AP1S3: variants seen among roughly 807,000 people sequenced by gnomAD.
The protein encoded by AP1S3 is AP-1 complex subunit sigma-3.
Under a neutral mutation model 20.9 loss-of-function variants are expected in AP1S3, and 10 were observed. That is an observed-to-expected ratio of 0.48 (90% CI 0.29 to 0.81). AP1S3 has a LOEUF of 0.81. AP1S3 is among the 30% of genes least tolerant of loss of function. The pLI, the probability that AP1S3 is intolerant of heterozygous loss-of-function variation, is 0.08. For missense variants in AP1S3, 154 were observed against 183.8 expected (o/e 0.84, Z 0.94); for synonymous variants, 41 against 61.5 (o/e 0.67, Z 1.56).
At chr2:223,764,158 A>T (rs1690424522) in intron 4 of AP1S3, among the ~76,000 whole-genome samples, 1 of 152,154 alleles carries the variant, frequency 6.6e-6, no homozygotes, top group Non-Finnish European at 1.5e-5. Flanking sequence ...GCCTCAAGTG[A>T]TCTGCCTGCC....
chr2:223,821,649 G>A (rs111367545), intron 1 of AP1S3, among the ~76,000 whole-genome samples: 31 of 152,222 alleles, frequency 2.0e-4, no homozygotes, highest in Non-Finnish European at 3.1e-4. Flanking sequence ...ATGCAGCCAC[G>A]TGCCCCCTAT....
chr2:223,766,302 A>C (rs1446116845), intron 3 of AP1S3, among the ~76,000 whole-genome samples: 1 of 151,922 alleles, frequency 6.6e-6, no homozygotes, highest in Non-Finnish European at 1.5e-5. Context: ...ACATTTGTTT[A>C]AGTTCTTTGT....
At chr2:223,830,629 T>C (rs1306412654) in intron 1 of AP1S3, among the ~76,000 whole-genome samples, 1 of 152,166 alleles carries the variant, frequency 6.6e-6, no homozygotes, top group East Asian at 1.9e-4. Context: ...ATCTTTGATA[T>C]ACCCAGTGTG....
intron 1 of AP1S3, among the ~76,000 whole-genome samples, chr2:223,791,634 G>A (rs1691219192): frequency 6.6e-6 from 1 of 152,166 alleles, no homozygotes; most frequent in African/African-American, 2.4e-5. Flanking sequence ...AGATAAGGAT[G>A]CCCTCTTTCA....
Position 223,771,039 on chromosome 2 carries a change from G to A in AP1S3, c.291+4862C>T, listed in dbSNP as rs191309513. On this transcript the variant is annotated intron_variant, in intron 3 of 4. Coordinates refer to ENST00000396654, the MANE Select transcript of AP1S3 (RefSeq NM_001039569.2). ...CATGAGCCACCGTTCCCAGTCCCAA[G>A]TCAGGTTTCTGAAGCTACTGCCTAA... Among the ~76,000 whole-genome samples the A allele has an allele frequency of 4.1e-3, 624 of 151,500 alleles. 6 individuals are homozygous for A. The highest frequency in any genetic ancestry group is 6.9e-3 in the Non-Finnish European group (470 of 67,884).
chr2:223,776,290 G>C, intron 2 of AP1S3: 1 of 450,800 alleles, frequency 2.2e-6, no homozygotes, highest in Non-Finnish European at 4.3e-6. Context: ...TTTCGCTCTT[G>C]GTAATCAGGG....
At position 223,761,320 on chromosome 2, in the gene AP1S3, TG is replaced by T. The variant is rs1245848194; in HGVS notation, c.430-2571del. Reference sequence around the variant, plus strand: ...TTGTGGTTTGGCCTAGCTGTTAACATGGTTTACGCTTTTAAGGGTGACAGTG... The same window carrying T: ...TTGTGGTTTGGCCTAGCTGTTAACATGTTTACGCTTTTAAGGGTGACAGTG... On this transcript the variant is annotated intron_variant, in intron 4 of 4. Coordinates refer to ENST00000396654, the MANE Select transcript of AP1S3 (RefSeq NM_001039569.2). Among the ~76,000 whole-genome samples, 6 of 152,166 alleles carry T rather than the reference TG, an allele frequency of 3.9e-5. No homozygotes were observed. The East Asian group carries it at 1.2e-3, about 29-fold the overall frequency.
At chr2:223,765,374 T>C (rs1226853932) in intron 3 of AP1S3, 24 bp from the exon 4 acceptor site, 2 of 1,589,648 alleles carry the variant, frequency 1.3e-6, no homozygotes, top group Non-Finnish European at 1.7e-6. Flanking sequence ...AACAAACGTT[T>C]TGATAAACTT....
At chr2:223,833,221 A>G (rs1213043144) in intron 1 of AP1S3, among the ~76,000 whole-genome samples, 1 of 149,546 alleles carries the variant, frequency 6.7e-6, no homozygotes, top group African/African-American at 2.5e-5. Flanking sequence ...ACATCCCCAC[A>G]GCTATCTTGT....
intron 1 of AP1S3, among the ~76,000 whole-genome samples, chr2:223,830,470 C>T (rs941658265): frequency 8.2e-6 from 1 of 122,276 alleles, no homozygotes; most frequent in Non-Finnish European, 1.7e-5. Context: ...CAGAGTGAGA[C>T]TCTCTCTCAA....
intron 1 of AP1S3, among the ~76,000 whole-genome samples, chr2:223,778,937 G>A (rs181486637): frequency 3.3e-5 from 5 of 152,174 alleles, no homozygotes; most frequent in Admixed American, 6.5e-5. Flanking sequence ...AGTCTCAGAC[G>A]ATCCGCCCAC....
Position 223,800,209 on chromosome 2 carries a change from C to T in AP1S3, c.4-22340G>A, listed in dbSNP as rs573883583. ...CAGCCTGGGCAACAAAGCGAGATTG[C>T]GTCTAAAAAAAAAAAAAAAAGAAAA... On this transcript the variant is annotated intron_variant, in intron 1 of 4. Coordinates refer to ENST00000396654, the MANE Select transcript of AP1S3 (RefSeq NM_001039569.2). 5.3e-3 allele frequency among the ~76,000 whole-genome samples: 684 copies of T among 128,826 alleles called. 4 individuals are homozygous for T. The highest frequency in any genetic ancestry group is 0.015 in the South Asian group (59 of 4,068). The allele number at this position is 128,826 out of a possible 152,430, so 84.5% of individuals were successfully genotyped here. A position where few individuals can be genotyped will look rare whatever the true frequency, so the allele number is the denominator to read the frequency against.
intron 1 of AP1S3, among the ~76,000 whole-genome samples, chr2:223,823,668 T>A (rs1408559759): frequency 6.6e-6 from 1 of 152,208 alleles, no homozygotes; most frequent in African/African-American, 2.4e-5. Context: ...AAGAGCTCTA[T>A]GGTACAACAT....
chr2:223,837,504 G>T lies in AP1S3; in HGVS notation c.-54C>A, dbSNP rs898265862. ...TGCGAGCAAGGAGCGCTGGAGAAGC[G>T]AGGGCGAGAGGCGAGCGCTGGAGCC... On this transcript the variant is annotated 5_prime_UTR_variant, in exon 1 of 5. Coordinates refer to ENST00000396654, the MANE Select transcript of AP1S3 (RefSeq NM_001039569.2). The T allele has an allele frequency of 8.2e-7, 1 of 1,226,796 alleles. No individual in the cohort carries two copies. The highest frequency in any genetic ancestry group is 1.0e-6 in the Non-Finnish European group (1 of 971,938). 76.0% of individuals were successfully genotyped at this position (1,226,796 alleles called of 1,614,324 possible).
intron 4 of AP1S3, among the ~76,000 whole-genome samples, chr2:223,762,337 ATC>A (rs1242587507): frequency 7.8e-6 from 1 of 127,774 alleles, no homozygotes; most frequent in African/African-American, 3.7e-5. Context: ...CAGTGGTGGA[ATC>A]TCGGCTCACT....
rs543918979 is a variant in AP1S3, at chr2:223,757,794, C to T, written c.*921G>A. 2.0e-6 allele frequency: 2 copies of T among 985,228 alleles called. No individual in the cohort carries two copies. The highest frequency in any genetic ancestry group is 3.5e-5 in the African/African-American group (2 of 57,306). The allele number at this position is 985,228 out of a possible 1,614,324, so 61.0% of individuals were successfully genotyped here. ...GATAATCTTAAATGCTCTAAGTAAG[C>T]CATGTAATAAGTCTTCAAATGCATT... On this transcript the variant is annotated 3_prime_UTR_variant, in exon 5 of 5. Transcript: ENST00000396654.
In AP1S3 at chr2:223,769,614, G is replaced by GTGTTTT. The variant is rs1553581092; in HGVS notation, c.292-4265_292-4264insAAAACA. On this transcript the variant is annotated intron_variant, in intron 3 of 4. Transcript: ENST00000396654. Reference sequence around the variant, plus strand: ...TTTCCCTGCTGTTGTATATGTTTCAGCTATGTAGAAGCTGAAAAGAATAAG... The same window carrying GTGTTTT: ...TTTCCCTGCTGTTGTATATGTTTCAGTGTTTTCTATGTAGAAGCTGAAAAGAATAAG... 1.3e-4 allele frequency among the ~76,000 whole-genome samples: 20 copies of GTGTTTT among 151,650 alleles called. No individual in the cohort carries two copies. In the East Asian group the frequency reaches 1.9e-3, roughly 15 times the overall value.
chr2:223,787,659 G>C (rs1305432599), intron 1 of AP1S3, among the ~76,000 whole-genome samples: 1 of 152,216 alleles, frequency 6.6e-6, no homozygotes, highest in East Asian at 1.9e-4. Context: ...AGCAGGGAGA[G>C]TGGTTGAAAG....
intron 1 of AP1S3, among the ~76,000 whole-genome samples, chr2:223,793,713 C>T (rs1691267564): frequency 1.3e-5 from 2 of 152,104 alleles, no homozygotes; most frequent in Admixed American, 6.6e-5. Flanking sequence ...AATATAGTCA[C>T]CAAGATGTCT....
Sources: gnomAD v4.1 joint callset for allele counts (sites outside exome capture counted in the v4.1 genomes callset) on GRCh38, gnomAD v4.1.1 for gene constraint, MANE v1.5 for transcripts, NCBI Gene and HGNC (gene_info 2026-07-23, HGNC 2026-07-21) for gene names.